Variants in DNAH11 observed in about 807,000 individuals in gnomAD.
DNAH11 encodes axonemal beta dynein heavy chain 11.
In DNAH11, 442 loss-of-function variants were observed where a neutral mutation model predicts 526.0. The observed-to-expected ratio is 0.84, with a 90% CI of 0.78 to 0.91. The LOEUF (loss-of-function observed/expected upper bound fraction) is 0.91. DNAH11 is among the 40% of genes least tolerant of loss of function. The pLI, the probability that DNAH11 is intolerant of heterozygous loss-of-function variation, is 0.00. For synonymous variants in DNAH11, 2,461 were observed against 1,935.9 expected (o/e 1.27, Z -7.12); for missense variants, 6,989 against 5,448.7 (o/e 1.28, Z -8.90).
At position 21,655,871 on chromosome 7, in the gene DNAH11, G is replaced by C. The variant is rs778565448; in HGVS notation, c.4984G>C (p.Asp1662His). ...TGCCAAACTTTTCGACAGCATTGCA[G>C]ATCTGCAGTTTGAAGACAATCAGGA... ...HLAKLFDSIA[D>H]LQFEDNQDVS... is the part of the protein sequence containing the mutation. The change falls in exon 29 of 82, where the codon GAT (aspartate) becomes CAT (histidine). Residue 1662 changes from aspartate (D) to histidine (H), a missense_variant. Physicochemically the swap from Asp to His is moderately conservative, Grantham distance 81. Coordinates refer to ENST00000409508, the MANE Select transcript of DNAH11 (RefSeq NM_001277115.2). 1 of 1,613,346 alleles carries C rather than the reference G, an allele frequency of 6.2e-7. No homozygotes were observed. The highest frequency in any genetic ancestry group is 8.5e-7 in the Non-Finnish European group (1 of 1,179,568).
In DNAH11 at chr7:21,816,670, G is replaced by T; in HGVS notation, c.10536G>T (p.Met3512Ile). 6.2e-7 allele frequency: 1 copy of T among 1,613,596 alleles called. No individual in the cohort carries two copies. ...AGTGGATCAAGAATAAGTATGGAAT[G>T]GACCTGAAAGTCACACATTTGGGCC... ...GIKWIKNKYG[M>I]DLKVTHLGQK... The change falls in exon 64 of 82, where the codon ATG becomes ATT. Residue 3512 changes from methionine (M) to isoleucine (I), a missense_variant. Physicochemically the swap from Met to Ile is conservative, Grantham distance 10. Transcript: ENST00000409508.
chr7:21,618,665 C>T (rs1733749876), intron 23 of DNAH11, among the ~76,000 whole-genome samples: 1 of 152,020 alleles, frequency 6.6e-6, no homozygotes, highest in South Asian at 2.1e-4. Flanking sequence ...AGTGATAAAA[C>T]TAGGTTAAAT....
At chr7:21,899,892 A>G in intron 80 of DNAH11, 88 bp from the exon 81 acceptor site, 1 of 1,503,328 alleles carries the variant, frequency 6.7e-7, no homozygotes, top group Admixed American at 2.0e-5. Flanking sequence ...ACCCTATGGG[A>G]CTAAAGGATG....
At position 21,784,420 on chromosome 7, in the gene DNAH11, T is replaced by C. The variant is rs1788084508; in HGVS notation, c.9484-7T>C. 3.7e-6 allele frequency: 6 copies of C among 1,608,036 alleles called. No homozygotes were observed. In the South Asian group the frequency reaches 6.6e-5, roughly 18 times the overall value. On this transcript the variant is annotated splice_polypyrimidine_tract_variant and splice_region_variant and intron_variant, in intron 57 of 81. Coordinates refer to ENST00000409508, the MANE Select transcript of DNAH11 (RefSeq NM_001277115.2). ...TACGGGTTTGTGTGCTTTTCCTCTTTAATTAGGTGACAGCCATTCAGACTG... is the reference window on the plus strand; with the variant it reads ...TACGGGTTTGTGTGCTTTTCCTCTTCAATTAGGTGACAGCCATTCAGACTG...
At chr7:21,766,408 G>A (rs1380453154) in intron 55 of DNAH11, among the ~76,000 whole-genome samples, 6 of 152,186 alleles carry the variant, frequency 3.9e-5, no homozygotes, top group Admixed American at 2.0e-4. Flanking sequence ...GTGATAAGGT[G>A]AAAGGTTCCT....
chr7:21,801,029 G>A (rs375014643), intron 61 of DNAH11, 108 bp from the exon 62 acceptor site: 5 of 1,164,766 alleles, frequency 4.3e-6, no homozygotes, highest in Non-Finnish European at 6.2e-6. Flanking sequence ...AGGTTAATGG[G>A]GGGAAGAGGT....
chr7:21,556,924 G>A (rs1783243241), intron 2 of DNAH11, among the ~76,000 whole-genome samples: 1 of 152,062 alleles, frequency 6.6e-6, no homozygotes, highest in Non-Finnish European at 1.5e-5. Flanking sequence ...AGCTGGGCAT[G>A]GTGGCACATG....
At chr7:21,755,721 C>T (rs550808176) in intron 54 of DNAH11, among the ~76,000 whole-genome samples, 6 of 152,230 alleles carry the variant, frequency 3.9e-5, no homozygotes, top group African/African-American at 1.2e-4. Context: ...TTACCTCTCA[C>T]GCAGTCTTCT....
intron 25 of DNAH11, among the ~76,000 whole-genome samples, chr7:21,624,511 C>G (rs1448581469): frequency 6.6e-6 from 1 of 152,186 alleles, no homozygotes; most frequent in African/African-American, 2.4e-5. Context: ...CAAACAGACA[C>G]ACTTTCACTT....
intron 30 of DNAH11, among the ~76,000 whole-genome samples, chr7:21,678,020 T>A (rs1466266060): frequency 6.6e-6 from 1 of 152,180 alleles, no homozygotes; most frequent in Admixed American, 6.5e-5. Context: ...TTCCATAGGC[T>A]ACCTTTTTAT....
intron 54 of DNAH11, among the ~76,000 whole-genome samples, chr7:21,763,055 C>T (rs1562531556): frequency 1.3e-5 from 2 of 152,060 alleles, no homozygotes; most frequent in Admixed American, 6.6e-5. Context: ...GTAAAGAAGA[C>T]ATACAAGGCC....
chr7:21,622,723 T>C (rs1036695245), intron 25 of DNAH11, among the ~76,000 whole-genome samples: 1 of 152,174 alleles, frequency 6.6e-6, no homozygotes, highest in Admixed American at 6.5e-5. Context: ...GGGGAAAGGA[T>C]TCCCCATTTA....
intron 67 of DNAH11, among the ~76,000 whole-genome samples, chr7:21,853,101 C>G (rs1189255307): frequency 6.6e-6 from 1 of 152,214 alleles, no homozygotes; most frequent in Non-Finnish European, 1.5e-5. Context: ...CTCAAATGCA[C>G]TATTCACCCC....
At position 21,900,078 on chromosome 7, in the gene DNAH11, C is replaced by A; in HGVS notation, c.13261C>A (p.Pro4421Thr). Reference protein sequence around the residue: ...TKKTKEDYGHPPREGAYLHGL... With the variant: ...TKKTKEDYGHTPREGAYLHGL... ...AAAAACAAAGGAAGATTATGGACAC[C>A]CGCCAAGGGAAGGTGCATACCTCCA... The change falls in exon 81 of 82, where the codon CCG becomes ACG. Residue 4421 changes from proline (P) to threonine (T), a missense_variant. Pro to Thr is a conservative substitution (Grantham distance 38). Transcript: ENST00000409508. 8.1e-6 allele frequency: 13 copies of A among 1,613,886 alleles called. No individual in the cohort carries two copies. Among genetic ancestry groups the A allele is most frequent in the Non-Finnish European group, 1.1e-5 (13 of 1,179,838 alleles).
At chr7:21,672,896 TAG>T (rs1782703138) in intron 30 of DNAH11, among the ~76,000 whole-genome samples, 1 of 152,246 alleles carries the variant, frequency 6.6e-6, no homozygotes, top group South Asian at 2.1e-4. Flanking sequence ...TGTTACTTTC[TAG>T]GTCTGACATT....
At chr7:21,745,161 A>G (rs928275515) in intron 51 of DNAH11, 98 bp downstream of exon 51, 40 of 1,161,578 alleles carry the variant, frequency 3.4e-5, no homozygotes, top group Admixed American at 5.7e-5. Flanking sequence ...ACTCTGAACC[A>G]TCAGTTCTTA....
intron 28 of DNAH11, among the ~76,000 whole-genome samples, chr7:21,646,366 G>C (rs574660524): frequency 2.9e-4 from 44 of 152,326 alleles, no homozygotes; most frequent in Admixed American, 2.2e-3. Context: ...ATTCATGACA[G>C]ATGAGGAACA....
chr7:21,746,567 C>T (rs757615670), intron 51 of DNAH11, among the ~76,000 whole-genome samples: 1 of 152,110 alleles, frequency 6.6e-6, no homozygotes, highest in Non-Finnish European at 1.5e-5. Context: ...TATGCCACTG[C>T]ACTCTAGCCT....
rs771835639 is a variant in DNAH11, at chr7:21,658,762, A to AT, written c.5095-36_5095-35insT. Reference sequence around the variant, plus strand: ...AGGATGAAATTATCCTTCCATAGTTAAGCCTGTGTTATAACATTTCAACTT... The same window carrying AT: ...AGGATGAAATTATCCTTCCATAGTTATAGCCTGTGTTATAACATTTCAACTT... On this transcript the variant is annotated intron_variant, in intron 29 of 81. Coordinates refer to ENST00000409508, the MANE Select transcript of DNAH11 (RefSeq NM_001277115.2). 3,857 of 1,497,008 alleles carry AT rather than the reference A, an allele frequency of 2.6e-3. 16 individuals are homozygous for AT. The highest frequency in any genetic ancestry group is 7.2e-3 in the South Asian group (555 of 77,534). The allele number at this position is 1,497,008 out of a possible 1,614,324, so 92.7% of individuals were successfully genotyped here.
Sources: gnomAD v4.1 joint callset for allele counts (sites outside exome capture counted in the v4.1 genomes callset) on GRCh38, gnomAD v4.1.1 for gene constraint, MANE v1.5 for transcripts, NCBI Gene and HGNC (gene_info 2026-07-23, HGNC 2026-07-21) for gene names.